The following ZCWPW2 variants were observed in gnomAD, a reference collection of about 807,000 sequenced individuals.
ZCWPW2 encodes zinc finger CW-type PWWP domain protein 2.
In ZCWPW2, 45 loss-of-function variants were observed where a neutral mutation model predicts 46.6. The ratio of observed to expected loss-of-function variants is 0.96; its 90% CI spans 0.76 to 1.24. The LOEUF is 1.24. ZCWPW2 is among the 50% of genes most tolerant of loss of function. ZCWPW2 has a pLI of 0.00. For synonymous variants in ZCWPW2, 152 were observed against 137.1 expected (o/e 1.11, Z -0.76); for missense variants, 429 against 403.9 (o/e 1.06, Z -0.53).
chr3:28,428,682 G>T (rs903023114), intron 3 of ZCWPW2, among the ~76,000 whole-genome samples: 2 of 152,086 alleles, frequency 1.3e-5, no homozygotes, highest in African/African-American at 4.8e-5. Context: ...CACGTGTTGG[G>T]GGCAGGACCT....
chr3:28,407,134 T>G (rs1185191890), intron 2 of ZCWPW2, among the ~76,000 whole-genome samples: 1 of 152,192 alleles, frequency 6.6e-6, no homozygotes, highest in Non-Finnish European at 1.5e-5. Flanking sequence ...GCGAGTTTCC[T>G]CCTATGTGCT....
chr3:28,401,486 T>A (rs1418637431), intron 2 of ZCWPW2, among the ~76,000 whole-genome samples: 2 of 152,096 alleles, frequency 1.3e-5, no homozygotes, highest in African/African-American at 4.8e-5. Flanking sequence ...ACAGTAATAG[T>A]GGGGGACTTC....
At chr3:28,399,922 C>A (rs1387081913) in intron 2 of ZCWPW2, among the ~76,000 whole-genome samples, 2 of 151,872 alleles carry the variant, frequency 1.3e-5, no homozygotes, top group Admixed American at 6.6e-5. Flanking sequence ...GGATCCAAAC[C>A]AAGAAGAAAT....
At chr3:28,513,590 C>T (rs1304481156) in intron 6 of ZCWPW2, among the ~76,000 whole-genome samples, 1 of 152,132 alleles carries the variant, frequency 6.6e-6, no homozygotes, top group African/African-American at 2.4e-5. Context: ...AAACATGTCA[C>T]TTATCTTTGC....
Position 28,493,622 on chromosome 3 carries a change from G to T in ZCWPW2, c.657+1449G>T, listed in dbSNP as rs1372197749. The stretch of plus-strand genomic sequence containing the variant: ...CCGCAATAAACATACGTGTGCATGT[G>T]TCTTTATAGCAGCATGATTTATAGT... On this transcript the variant is annotated intron_variant, in intron 6 of 9. Coordinates refer to ENST00000383768, the MANE Select transcript of ZCWPW2 (RefSeq NM_001040432.4). Among the ~76,000 whole-genome samples, 3 of 89,060 alleles carry T rather than the reference G, an allele frequency of 3.4e-5. 1 individual carries two copies. The East Asian group carries it at 1.8e-3, about 55-fold the overall frequency. The allele number at this position is 89,060 out of a possible 152,430, so 58.4% of individuals were successfully genotyped here.
intron 4 of ZCWPW2, among the ~76,000 whole-genome samples, chr3:28,459,738 T>C (rs1340751515): frequency 1.3e-5 from 2 of 152,162 alleles, no homozygotes; most frequent in Non-Finnish European, 2.9e-5. Context: ...TGATTTCAGG[T>C]CTATCACACT....
At chr3:28,493,203 G>T (rs1699885118) in intron 6 of ZCWPW2, among the ~76,000 whole-genome samples, 2 of 137,258 alleles carry the variant, frequency 1.5e-5, no homozygotes, top group South Asian at 2.4e-4. Context: ...CATTGTGCAG[G>T]TTAGTTACAT....
At chr3:28,469,756 A>T (rs1048050958) in intron 4 of ZCWPW2, among the ~76,000 whole-genome samples, 1 of 151,776 alleles carries the variant, frequency 6.6e-6, no homozygotes, top group Non-Finnish European at 1.5e-5. Context: ...TGCACCCAAC[A>T]CTGGAGCACC....
chr3:28,462,056 G>C (rs975755312), intron 4 of ZCWPW2, among the ~76,000 whole-genome samples: 1 of 152,076 alleles, frequency 6.6e-6, no homozygotes, highest in Admixed American at 6.5e-5. Flanking sequence ...CATATGTCAG[G>C]GGAGTTTTCT....
intron 3 of ZCWPW2, among the ~76,000 whole-genome samples, chr3:28,427,510 G>C (rs1697065734): frequency 6.6e-6 from 1 of 152,032 alleles, no homozygotes; most frequent in Non-Finnish European, 1.5e-5. Context: ...CCATTTATTT[G>C]GCCATGTGAC....
At chr3:28,443,985 A>G (rs987042426) in intron 4 of ZCWPW2, among the ~76,000 whole-genome samples, 16 of 152,142 alleles carry the variant, frequency 1.1e-4, no homozygotes, top group African/African-American at 3.9e-4. Context: ...CTCACAATGA[A>G]CCATCTTTTA....
intron 3 of ZCWPW2, among the ~76,000 whole-genome samples, chr3:28,433,931 TG>T (rs1245523039): frequency 6.6e-6 from 1 of 150,992 alleles, no homozygotes; most frequent in Non-Finnish European, 1.5e-5. Context: ...TTTTTTTTTT[TG>T]ACCACTTTTA....
intron 2 of ZCWPW2, chr3:28,398,260 C>A (rs1433284406): frequency 6.6e-6 from 1 of 152,154 alleles, no homozygotes; most frequent in Non-Finnish European, 1.5e-5. Context: ...TGTGCTATTT[C>A]TTATTGTAAG....
intron 7 of ZCWPW2, among the ~76,000 whole-genome samples, chr3:28,514,656 C>T (rs985547029): frequency 6.6e-6 from 1 of 152,096 alleles, no homozygotes; most frequent in African/African-American, 2.4e-5. Flanking sequence ...ACGGAAAAAG[C>T]TTTATATTCA....
intron 5 of ZCWPW2, among the ~76,000 whole-genome samples, chr3:28,490,256 T>C (rs2125815230): frequency 6.6e-6 from 1 of 152,236 alleles, no homozygotes; most frequent in Admixed American, 6.6e-5. Context: ...GTAAAGCAGT[T>C]TGGCAATTTT....
chr3:28,483,141 T>G (rs921763879), intron 5 of ZCWPW2, among the ~76,000 whole-genome samples: 1 of 152,206 alleles, frequency 6.6e-6, no homozygotes, highest in African/African-American at 2.4e-5. Flanking sequence ...CGCCCTATGA[T>G]TCATTGTGAG....
At chr3:28,466,188 A>G (rs541286097) in intron 4 of ZCWPW2, among the ~76,000 whole-genome samples, 231 of 152,262 alleles carry the variant, frequency 1.5e-3, no homozygotes, top group Middle Eastern at 3.4e-3. Context: ...GCAATCTTCT[A>G]GTAGGGTGGG....
At chr3:28,364,845 T>G (rs1038013124) in intron 1 of ZCWPW2, among the ~76,000 whole-genome samples, 2 of 152,184 alleles carry the variant, frequency 1.3e-5, no homozygotes, top group African/African-American at 4.8e-5. Context: ...TCCTGACTTT[T>G]AATGATCGTC....
At chr3:28,491,424 T>C (rs1423798693) in intron 5 of ZCWPW2, among the ~76,000 whole-genome samples, 1 of 152,156 alleles carries the variant, frequency 6.6e-6, no homozygotes, top group African/African-American at 2.4e-5. Flanking sequence ...ACTATTTCAT[T>C]ACTAATTATT....
Sources: allele counts gnomAD v4.1 joint callset (sites outside exome capture counted in the v4.1 genomes callset), GRCh38; gene constraint gnomAD v4.1.1; transcripts MANE v1.5; gene names NCBI Gene and HGNC (gene_info 2026-07-23, HGNC 2026-07-21).